NKAIN2: variants seen among roughly 807,000 people sequenced by gnomAD.
NKAIN2 encodes the protein sodium/potassium-transporting ATPase subunit beta-1-interacting protein 2.
NKAIN2 carries 14 observed loss-of-function variants against 32.6 expected under a neutral mutation model. That is an observed-to-expected ratio of 0.43 (90% CI 0.28 to 0.67). NKAIN2 has a LOEUF of 0.67. Ranked by LOEUF, NKAIN2 falls within the 30% of genes least tolerant of loss-of-function variation. The pLI is 0.17. For missense variants in NKAIN2, 198 were observed against 258.3 expected, an observed-to-expected ratio of 0.77 and a Z score of 1.60; for synonymous variants, 80 against 87.2, an observed-to-expected ratio of 0.92 and a Z score of 0.46.
intron 1 of NKAIN2, among the ~76,000 whole-genome samples, chr6:124,166,337 T>G (rs1342437224): frequency 8.5e-5 from 13 of 152,100 alleles, no homozygotes; most frequent in Admixed American, 3.3e-4. Flanking sequence ...GTCTGTTCAT[T>G]TCCTTCGCCC....
At chr6:124,752,043 G>A (rs796868769) in intron 4 of NKAIN2, among the ~76,000 whole-genome samples, 2 of 151,998 alleles carry the variant, frequency 1.3e-5, no homozygotes, top group African/African-American at 4.8e-5. Context: ...CAATATATAT[G>A]TACAAGTGTC....
chr6:124,084,123 C>T (rs1784091656), intron 1 of NKAIN2, among the ~76,000 whole-genome samples: 1 of 151,840 alleles, frequency 6.6e-6, no homozygotes, highest in Non-Finnish European at 1.5e-5. Flanking sequence ...AGCATTTCCC[C>T]ATACAAGAGA....
intron 3 of NKAIN2, among the ~76,000 whole-genome samples, chr6:124,581,445 CAAAAAAAAAAAA>C (rs57280967): frequency 1.2e-5 from 1 of 81,438 alleles, no homozygotes; most frequent in South Asian, 5.2e-4. Context: ...GACTCCGTCT[CAAAAAAAAAAAA>C]AAAAAAAAAA....
intron 3 of NKAIN2, among the ~76,000 whole-genome samples, chr6:124,618,202 G>A (rs1782977663): frequency 6.6e-6 from 1 of 152,114 alleles, no homozygotes; most frequent in African/African-American, 2.4e-5. Flanking sequence ...TTCTGGCTGG[G>A]CGTGGTGGCT....
rs1478261028 is a variant in NKAIN2 at position 124,614,812 on chromosome 6, T to C, written c.274-43374T>C. Among the ~76,000 whole-genome samples, 3 of 152,304 alleles carry C rather than the reference T, an allele frequency of 2.0e-5. No homozygotes were observed. In the East Asian group the frequency reaches 5.8e-4, roughly 29 times the overall value. On this transcript the variant is annotated intron_variant, in intron 3 of 6. Transcript: ENST00000368417. ...AGCTCAGAACCTCACATATAGCGTG[T>C]CCACAGCTGCCTTCTTTCAAAAACT...
Position 123,922,933 on chromosome 6 carries a change from T to A in NKAIN2, c.54+118679T>A, listed in dbSNP as rs182331426. The stretch of plus-strand genomic sequence containing the variant: ...TACTGTGAATTTCAGATGAAATACA[T>A]GTAATTATTTTTGTAGCTAGTATAT... On this transcript the variant is annotated intron_variant, in intron 1 of 6. Coordinates refer to ENST00000368417, the MANE Select transcript of NKAIN2 (RefSeq NM_001040214.3). Among the ~76,000 whole-genome samples, 547 of 152,328 alleles carry A rather than the reference T, an allele frequency of 3.6e-3. 2 individuals are homozygous for A. The highest frequency in any genetic ancestry group is 0.013 in the African/African-American group (521 of 41,572).
chr6:124,763,472 A>G (rs979460489), intron 4 of NKAIN2, among the ~76,000 whole-genome samples: 2 of 152,278 alleles, frequency 1.3e-5, no homozygotes, highest in East Asian at 3.9e-4. Context: ...ACACACTTTT[A>G]AACAACCACA....
chr6:124,386,166 G>A (rs1029046247), intron 3 of NKAIN2, among the ~76,000 whole-genome samples: 1 of 152,132 alleles, frequency 6.6e-6, no homozygotes, highest in African/African-American at 2.4e-5. Flanking sequence ...TGGAAATCTT[G>A]CAAAATTGGC....
chr6:124,548,013 T>A (rs1780157141), intron 3 of NKAIN2, among the ~76,000 whole-genome samples: 1 of 152,200 alleles, frequency 6.6e-6, no homozygotes, highest in Non-Finnish European at 1.5e-5. Context: ...AGTATTATTG[T>A]TGTGTGAAAT....
In NKAIN2 at chr6:123,888,330, C is replaced by T. The variant is rs139961018; in HGVS notation, c.54+84076C>T. On this transcript the variant is annotated intron_variant, in intron 1 of 6. Transcript: ENST00000368417. ...TCAGCTCTTACATTTTCAAACACAC[C>T]CTTCACTTTCCTATTGCTTAGAATG... Among the ~76,000 whole-genome samples the T allele has an allele frequency of 4.9e-3, 746 of 152,094 alleles. 5 individuals are homozygous for T. Among genetic ancestry groups the T allele is most frequent in the African/African-American group, 0.017 (710 of 41,504 alleles).
At position 123,815,117 on chromosome 6, in the gene NKAIN2, C is replaced by T. The variant is rs9490945; in HGVS notation, c.54+10863C>T. ...GATGTAACTGAAAAGAACGTCAAGC[C>T]GTGTTTCTATCGTAAATCTAGTATC... On this transcript the variant is annotated intron_variant, in intron 1 of 6. Coordinates refer to ENST00000368417, the MANE Select transcript of NKAIN2 (RefSeq NM_001040214.3). Among the ~76,000 whole-genome samples, 1,171 of 150,888 alleles carry T rather than the reference C, an allele frequency of 7.8e-3. 24 individuals carry two copies. The highest frequency in any genetic ancestry group is 0.026 in the African/African-American group (1,081 of 41,112).
intron 1 of NKAIN2, among the ~76,000 whole-genome samples, chr6:123,913,791 T>C (rs1290465324): frequency 6.6e-6 from 1 of 152,144 alleles, no homozygotes; most frequent in African/African-American, 2.4e-5. Context: ...TTTTTACAAG[T>C]AGTTACTGAA....
chr6:123,847,180 A>G (rs1364378155), intron 1 of NKAIN2, among the ~76,000 whole-genome samples: 3 of 152,246 alleles, frequency 2.0e-5, no homozygotes, highest in Admixed American at 6.5e-5. Context: ...ACCAAAGGAA[A>G]CATATTCTGC....
chr6:124,687,386 ATATT>A (rs1773984958), intron 4 of NKAIN2, among the ~76,000 whole-genome samples: 1 of 132,082 alleles, frequency 7.6e-6, no homozygotes, highest in African/African-American at 2.8e-5. Context: ...TGGAATATAT[ATATT>A]CCATGTATGT....
At chr6:124,247,226 T>C (rs1793454720) in intron 1 of NKAIN2, among the ~76,000 whole-genome samples, 1 of 152,054 alleles carries the variant, frequency 6.6e-6, no homozygotes, top group Non-Finnish European at 1.5e-5. Flanking sequence ...CACCAAAATG[T>C]TTAGTGATTG....
intron 3 of NKAIN2, among the ~76,000 whole-genome samples, chr6:124,616,535 G>T (rs1466432312): frequency 8.4e-6 from 1 of 118,924 alleles, no homozygotes; most frequent in Non-Finnish European, 1.6e-5. Flanking sequence ...TGCGATCTCG[G>T]CTCACTGAAA....
intron 3 of NKAIN2, among the ~76,000 whole-genome samples, chr6:124,568,290 C>T (rs757469174): frequency 4.6e-5 from 7 of 152,114 alleles, no homozygotes; most frequent in Non-Finnish European, 8.8e-5. Context: ...GGTATTTAGA[C>T]GAGCAATTAG....
At chr6:123,856,136 T>G (rs1387390995) in intron 1 of NKAIN2, among the ~76,000 whole-genome samples, 1 of 152,226 alleles carries the variant, frequency 6.6e-6, no homozygotes, top group Non-Finnish European at 1.5e-5. Context: ...ATGGCCTGTT[T>G]ATTTTAGACC....
intron 1 of NKAIN2, among the ~76,000 whole-genome samples, chr6:123,815,225 T>C (rs1773643292): frequency 6.6e-6 from 1 of 152,352 alleles, no homozygotes; most frequent in South Asian, 2.1e-4. Flanking sequence ...TATTACTTAC[T>C]TACTTATGCT....
Sources: allele counts gnomAD v4.1 joint callset (sites outside exome capture counted in the v4.1 genomes callset), GRCh38; gene constraint gnomAD v4.1.1; transcripts MANE v1.5; gene names NCBI Gene and HGNC (gene_info 2026-07-23, HGNC 2026-07-21).